The following HECTD4 variants were observed in gnomAD, a reference collection of about 807,000 sequenced individuals.
HECTD4 encodes HECT domain E3 ubiquitin protein ligase 4.
In HECTD4, 114 loss-of-function variants were observed where a neutral mutation model predicts 471.5. The observed-to-expected ratio is 0.24, with a 90% CI of 0.21 to 0.28. The LOEUF is 0.28. Ranked by LOEUF, HECTD4 falls within the 10% of genes least tolerant of loss-of-function variation. The pLI is 1.00. For synonymous variants in HECTD4, 2,012 were observed against 2,256.0 expected, an observed-to-expected ratio of 0.89 and a Z score of 3.07; for missense variants, 3,866 against 5,651.5, an observed-to-expected ratio of 0.68 and a Z score of 10.13.
intron 70 of HECTD4, among the ~76,000 whole-genome samples, chr12:112,168,628 C>A (rs1174664357): frequency 6.6e-6 from 1 of 152,196 alleles, no homozygotes; most frequent in African/African-American, 2.4e-5. Flanking sequence ...GGGCCTGGCC[C>A]TCACCTCTGC....
At chr12:112,171,013 T>C in intron 68 of HECTD4, 104 bp downstream of exon 68, 1 of 979,220 alleles carries the variant, frequency 1.0e-6, no homozygotes, top group Non-Finnish European at 1.5e-6. Flanking sequence ...GGGTGGCATC[T>C]TCCTGGCGGG....
At chr12:112,379,052 AC>A (rs2036840222) in intron 1 of HECTD4, among the ~76,000 whole-genome samples, 1 of 152,126 alleles carries the variant, frequency 6.6e-6, no homozygotes, top group African/African-American at 2.4e-5. Flanking sequence ...AAAAAAAAAA[AC>A]CAAAAATTAA....
intron 48 of HECTD4, among the ~76,000 whole-genome samples, chr12:112,215,553 C>T (rs2032895142): frequency 6.6e-6 from 1 of 152,158 alleles, no homozygotes; most frequent in Non-Finnish European, 1.5e-5. Context: ...ATTGAGTTGA[C>T]TGTCTATGTG....
Position 112,163,426 on chromosome 12 carries a change from G to T in HECTD4, c.12897+116C>A. 1 of 1,060,794 alleles carries T rather than the reference G, an allele frequency of 9.4e-7. No homozygotes were observed. The highest frequency in any genetic ancestry group is 1.3e-6 in the Non-Finnish European group (1 of 743,024). The allele number at this position is 1,060,794 out of a possible 1,614,324, so 65.7% of individuals were successfully genotyped here. ...ATGATGACAATGATACAGGTCTGTGGCAAGGACAGAGCTGAGACAGGCCAC... is the reference window on the plus strand; with the variant it reads ...ATGATGACAATGATACAGGTCTGTGTCAAGGACAGAGCTGAGACAGGCCAC... On this transcript the variant is annotated intron_variant, in intron 74 of 75. Transcript: ENST00000682272. The surrounding 1 kb of genome is among the most constrained non-coding windows in gnomAD (Gnocchi z 8.2).
chr12:112,196,004 A>G (rs900223840), intron 55 of HECTD4, among the ~76,000 whole-genome samples: 2 of 152,156 alleles, frequency 1.3e-5, no homozygotes, highest in African/African-American at 2.4e-5. Flanking sequence ...TCTACAAAAA[A>G]TAGAAATCGC....
intron 35 of HECTD4, among the ~76,000 whole-genome samples, chr12:112,236,419 T>C (rs1007116660): frequency 6.6e-6 from 1 of 152,264 alleles, no homozygotes; most frequent in African/African-American, 2.4e-5. Flanking sequence ...CAGTGTTTCA[T>C]AGGCTTCAAT....
At chr12:112,252,583 CAA>C in intron 22 of HECTD4, 55 bp from the exon 23 acceptor site, 1 of 1,568,362 alleles carries the variant, frequency 6.4e-7, no homozygotes. Context: ...TACACAATTT[CAA>C]AAGAGCAATG....
rs574880356 is a variant in HECTD4, at chr12:112,264,122, T to G, written c.2710A>C (p.Ser904Arg). 1 of 1,610,146 alleles carries G rather than the reference T, an allele frequency of 6.2e-7. No individual in the cohort carries two copies. Among genetic ancestry groups the G allele is most frequent in the South Asian group, 1.1e-5 (1 of 89,842 alleles). Reference protein sequence around the residue: ...ILIKPDENDDSDSSLQGETLK... With the variant: ...ILIKPDENDDRDSSLQGETLK... Reference sequence around the variant, plus strand: ...GTCTCTCCCTGCAAGGAGCTGTCACTGTCATCATTCTCATCAGGTTTAATC... The same window carrying G: ...GTCTCTCCCTGCAAGGAGCTGTCACGGTCATCATTCTCATCAGGTTTAATC... Residue 904 changes from serine (S) to arginine (R), a missense_variant, in exon 17 of 76, where the codon AGT (serine) becomes CGT (arginine). Ser to Arg is a moderately radical substitution (Grantham distance 110). Coordinates refer to ENST00000682272, the MANE Select transcript of HECTD4 (RefSeq NM_001388303.1).
At chr12:112,300,990 T>A (rs1393509207) in intron 7 of HECTD4, among the ~76,000 whole-genome samples, 1 of 151,946 alleles carries the variant, frequency 6.6e-6, no homozygotes, top group Non-Finnish European at 1.5e-5. Context: ...GTTCAAGGAA[T>A]TCTCCTGCCT....
At chr12:112,205,005 C>T (rs538662821) in intron 52 of HECTD4, among the ~76,000 whole-genome samples, 13 of 151,496 alleles carry the variant, frequency 8.6e-5, no homozygotes, top group East Asian at 5.8e-4. Flanking sequence ...TGGTGGCAGG[C>T]GCCTGTAAAC....
chr12:112,382,327 TGCCGCCGCCGCCGCC>T lies in HECTD4; in HGVS notation c.-214_-200del, dbSNP rs558182543. On this transcript the variant is annotated 5_prime_UTR_variant, in exon 1 of 76. Coordinates refer to ENST00000682272, the MANE Select transcript of HECTD4 (RefSeq NM_001388303.1). ...ACCCCGGCCCGGGAGACCCCGGCCC[TGCCGCCGCCGCCGCC>T]GCCGCCGCCGCCGCCGCCCTCAGGA... 204 of 356,276 alleles carry T rather than the reference TGCCGCCGCCGCCGCC, an allele frequency of 5.7e-4. 4 individuals carry two copies. The highest frequency in any genetic ancestry group is 1.7e-3 in the Middle Eastern group (2 of 1,168). 22.1% of individuals were successfully genotyped at this position (356,276 alleles called of 1,614,324 possible).
chr12:112,163,203 C>T lies in HECTD4; in HGVS notation c.12959G>A (p.Gly4320Glu). The change falls in exon 75 of 76, where the codon GGG becomes GAG. Residue 4320 changes from glycine (G) to glutamate (E), a missense_variant. Coordinates refer to ENST00000682272, the MANE Select transcript of HECTD4 (RefSeq NM_001388303.1). This position sits in a 1 kb window ranked among gnomAD's most constrained non-coding sequence, Gnocchi z 8.2. ...ETDQHIEFFWGALEMFTQEEL... is the reference protein window; with the variant it reads ...ETDQHIEFFWEALEMFTQEEL... ...CTCCTGGGTGAACATCTCCAGGGCCCCCCAGAAGAACTCGATGTGCTGGTC... is the reference window on the plus strand; with the variant it reads ...CTCCTGGGTGAACATCTCCAGGGCCTCCCAGAAGAACTCGATGTGCTGGTC... 6.2e-7 allele frequency: 1 copy of T among 1,614,000 alleles called. No homozygotes were observed. Among genetic ancestry groups the T allele is most frequent in the South Asian group, 1.1e-5 (1 of 91,088 alleles).
chr12:112,330,208 C>T (rs932370744), intron 1 of HECTD4, among the ~76,000 whole-genome samples: 4 of 149,816 alleles, frequency 2.7e-5, no homozygotes, highest in Admixed American at 2.0e-4. Context: ...ACCTGGGAGG[C>T]GGAGGTTGCA....
At chr12:112,206,668 C>T (rs2032594628) in intron 52 of HECTD4, among the ~76,000 whole-genome samples, 1 of 151,366 alleles carries the variant, frequency 6.6e-6, no homozygotes, top group African/African-American at 2.4e-5. Context: ...TTCCGAGTAA[C>T]TGGGACTACA....
chr12:112,295,109 A>G (rs1273489920), intron 7 of HECTD4, among the ~76,000 whole-genome samples: 1 of 151,372 alleles, frequency 6.6e-6, no homozygotes, highest in Non-Finnish European at 1.5e-5. Context: ...GTTCGAGGCT[A>G]GCCGAGGCAA....
intron 7 of HECTD4, among the ~76,000 whole-genome samples, chr12:112,291,563 C>A (rs1471842440): frequency 6.6e-6 from 1 of 151,854 alleles, no homozygotes; most frequent in Admixed American, 6.6e-5. Flanking sequence ...TAGTGAGACC[C>A]CCCCATCTTT....
chr12:112,295,116 G>A (rs1442776047), intron 7 of HECTD4, among the ~76,000 whole-genome samples: 1 of 149,626 alleles, frequency 6.7e-6, no homozygotes, highest in Non-Finnish European at 1.5e-5. Flanking sequence ...GCTAGCCGAG[G>A]CAACATAGCG....
chr12:112,359,467 T>G (rs916640891), intron 1 of HECTD4, among the ~76,000 whole-genome samples: 48 of 152,192 alleles, frequency 3.2e-4, no homozygotes, highest in African/African-American at 9.6e-4. Context: ...TCGCCCACAC[T>G]GGAGTGCAGG....
At chr12:112,208,668 A>G in intron 50 of HECTD4, 38 bp from the exon 51 acceptor site, 1 of 1,502,554 alleles carries the variant, frequency 6.7e-7, no homozygotes, top group Middle Eastern at 1.8e-4. Flanking sequence ...TCTAAACAAG[A>G]GCAGGCTAGA....
Sources: gnomAD v4.1 joint callset for allele counts (sites outside exome capture counted in the v4.1 genomes callset) on GRCh38, gnomAD v4.1.1 for gene constraint, Gnocchi (gnomAD v3.1) non-coding constraint, MANE v1.5 for transcripts, NCBI Gene and HGNC (gene_info 2026-07-23, HGNC 2026-07-21) for gene names.